CACNG2: variants seen among roughly 807,000 people sequenced by gnomAD.
CACNG2 encodes the protein calcium voltage-gated channel auxiliary subunit gamma 2, also known as voltage-dependent calcium channel gamma-2 subunit.
CACNG2 carries 3 observed loss-of-function variants against 25.9 expected under a neutral mutation model. The observed-to-expected ratio is 0.12, with a 90% confidence interval of 0.05 to 0.30. The LOEUF (loss-of-function observed/expected upper bound fraction) is 0.30, where lower values mean the gene tolerates loss of function less well. Ranked by LOEUF, CACNG2 falls within the 10% of genes least tolerant of loss-of-function variation. The pLI is 1.00. For synonymous variants in CACNG2, 167 were observed against 173.3 expected (o/e 0.96, Z 0.29); for missense variants, 341 against 432.5 (o/e 0.79, Z 1.88).
At chr22:36,681,637 T>C (rs1026955533) in intron 1 of CACNG2, among the ~76,000 whole-genome samples, 1 of 152,206 alleles carries the variant, frequency 6.6e-6, no homozygotes, top group East Asian at 1.9e-4. Context: ...TCAAAACTCA[T>C]CACACTGGTG....
At chr22:36,676,366 C>A (rs944464834) in intron 1 of CACNG2, among the ~76,000 whole-genome samples, 13 of 152,186 alleles carry the variant, frequency 8.5e-5, no homozygotes, top group African/African-American at 3.1e-4. Flanking sequence ...GTGGAACTTG[C>A]CACCTGGAAC....
chr22:36,675,666 G>A (rs558070212), intron 1 of CACNG2, among the ~76,000 whole-genome samples: 1 of 152,336 alleles, frequency 6.6e-6, no homozygotes, highest in Admixed American at 6.5e-5. Flanking sequence ...GCAGTGTCAG[G>A]GCACTGGAGG....
At chr22:36,655,018 ATTTG>A (rs1936682898) in intron 1 of CACNG2, among the ~76,000 whole-genome samples, 1 of 151,548 alleles carries the variant, frequency 6.6e-6, no homozygotes, top group African/African-American at 2.4e-5. Flanking sequence ...CGGAGCTGTG[ATTTG>A]GGAGGGGGGA....
intron 2 of CACNG2, among the ~76,000 whole-genome samples, chr22:36,571,271 G>A (rs1047907781): frequency 7.9e-5 from 12 of 151,552 alleles, no homozygotes; most frequent in African/African-American, 2.9e-4. Flanking sequence ...AACCTGGCCA[G>A]CATGGCGAAA....
chr22:36,667,415 T>C (rs1254045546), intron 1 of CACNG2, among the ~76,000 whole-genome samples: 1 of 152,170 alleles, frequency 6.6e-6, no homozygotes, highest in African/African-American at 2.4e-5. Flanking sequence ...ATACAGCTGT[T>C]CAGCCCACTG....
intron 1 of CACNG2, among the ~76,000 whole-genome samples, chr22:36,668,593 A>G (rs568714428): frequency 6.6e-6 from 1 of 152,150 alleles, no homozygotes; most frequent in South Asian, 2.1e-4. Context: ...GGCTCAAGCA[A>G]TCCTCTTGCC....
At chr22:36,569,996 C>T (rs1187126117) in intron 2 of CACNG2, among the ~76,000 whole-genome samples, 1 of 152,242 alleles carries the variant, frequency 6.6e-6, no homozygotes, top group African/African-American at 2.4e-5. Flanking sequence ...AGAAGAAAGG[C>T]TCTGGCCTTC....
chr22:36,659,842 C>G (rs991302661), intron 1 of CACNG2, among the ~76,000 whole-genome samples: 1 of 151,930 alleles, frequency 6.6e-6, no homozygotes, highest in Non-Finnish European at 1.5e-5. Flanking sequence ...GCCTGCCACC[C>G]CCGAGAGGAG....
At chr22:36,610,282 G>A (rs1569028661) in intron 1 of CACNG2, among the ~76,000 whole-genome samples, 1 of 148,540 alleles carries the variant, frequency 6.7e-6, no homozygotes, top group African/African-American at 2.5e-5. Context: ...GAGCGTGATT[G>A]GGCAGGAATC....
chr22:36,677,578 T>A (rs1416214846), intron 1 of CACNG2, among the ~76,000 whole-genome samples: 1 of 152,190 alleles, frequency 6.6e-6, no homozygotes, highest in Non-Finnish European at 1.5e-5. Flanking sequence ...TTTAACCCAT[T>A]GTGGCCTTAT....
chr22:36,657,420 G>A lies in CACNG2; in HGVS notation c.211+44946C>T, dbSNP rs369927685. ...ACAGTCCCAGCCCTGGAAAGCTCAT[G>A]CTACTCCCATGTCAGATAGAGGGGC... On this transcript the variant is annotated intron_variant, in intron 1 of 3. Transcript: ENST00000300105. 6.6e-5 allele frequency among the ~76,000 whole-genome samples: 10 copies of A among 152,292 alleles called. 1 individual carries two copies. Among genetic ancestry groups the A allele is most frequent in the South Asian group, 6.2e-4 (3 of 4,816 alleles).
At chr22:36,663,364 C>T (rs1440751199) in intron 1 of CACNG2, among the ~76,000 whole-genome samples, 1 of 152,144 alleles carries the variant, frequency 6.6e-6, no homozygotes, top group Non-Finnish European at 1.5e-5. Context: ...AAGGGCCACC[C>T]CTACCCTCTA....
intron 1 of CACNG2, among the ~76,000 whole-genome samples, chr22:36,626,881 C>T (rs760741184): frequency 2.6e-5 from 4 of 152,206 alleles, no homozygotes; most frequent in Non-Finnish European, 5.9e-5. Context: ...TATGGGGTGA[C>T]AGGCATTTAT....
chr22:36,664,738 T>G lies in CACNG2; in HGVS notation c.211+37628A>C, dbSNP rs1402950424. On this transcript the variant is annotated intron_variant, in intron 1 of 3. Coordinates refer to ENST00000300105, the MANE Select transcript of CACNG2 (RefSeq NM_006078.5). ...TCAAATAAGGCATCGTCTAATTCGATTATGCTTGCTAGACTGCAATGTAAT... is the reference window on the plus strand; with the variant it reads ...TCAAATAAGGCATCGTCTAATTCGAGTATGCTTGCTAGACTGCAATGTAAT... Among the ~76,000 whole-genome samples, 4 of 152,350 alleles carry G rather than the reference T, an allele frequency of 2.6e-5. No individual in the cohort carries two copies. In the East Asian group the frequency reaches 5.8e-4, roughly 22 times the overall value.
Position 36,581,648 on chromosome 22 carries a change from A to C in CACNG2, c.295+5817T>G, listed in dbSNP as rs115062719. Among the ~76,000 whole-genome samples, 1,216 of 152,146 alleles carry C rather than the reference A, an allele frequency of 8.0e-3. 17 individuals are homozygous for C. The highest frequency in any genetic ancestry group is 0.028 in the African/African-American group (1,170 of 41,494). On this transcript the variant is annotated intron_variant, in intron 2 of 3. Transcript: ENST00000300105. ...ACTCCTGCTCAGCCCCCTTTCCTGG[A>C]GTGTCCTCATCTCACTGGCCCCTAA...
chr22:36,679,422 G>A (rs535132777), intron 1 of CACNG2, among the ~76,000 whole-genome samples: 2 of 152,042 alleles, frequency 1.3e-5, no homozygotes, highest in Admixed American at 6.6e-5. Context: ...GCTCTCTGAG[G>A]GCTCTTCATT....
Position 36,702,537 on chromosome 22 carries a change from T to C in CACNG2, c.40A>G (p.Thr14Ala). ...FDRGVQMLLT[T>A]VGAFAAFSLM... ...CTGAAGGCAGCGAAAGCACCAACGG[T>C]GGTTAAAAGCATTTGAACACCTCGA... The change falls in exon 1 of 4, where the codon ACC becomes GCC. Residue 14 changes from threonine to alanine, a missense_variant. Around this residue, in one of 2 missense-constraint regions of CACNG2, gnomAD observed 169 missense variants for 254.4 expected, o/e 0.66. Transcript: ENST00000300105. 1 of 1,614,090 alleles carries C rather than the reference T, an allele frequency of 6.2e-7. No homozygotes were observed. The highest frequency in any genetic ancestry group is 8.5e-7 in the Non-Finnish European group (1 of 1,180,006).
intron 1 of CACNG2, among the ~76,000 whole-genome samples, chr22:36,617,421 A>G (rs1449612739): frequency 1.3e-5 from 2 of 151,940 alleles, no homozygotes; most frequent in Admixed American, 6.6e-5. Flanking sequence ...CAGAGGAGGG[A>G]ACTAAATGAG....
chr22:36,640,023 C>T (rs1331665270), intron 1 of CACNG2, among the ~76,000 whole-genome samples: 1 of 152,126 alleles, frequency 6.6e-6, no homozygotes, highest in Non-Finnish European at 1.5e-5. Flanking sequence ...TCTCCAAGTC[C>T]GAAATTCAGC....
Sources: gnomAD v4.1 joint callset for allele counts (sites outside exome capture counted in the v4.1 genomes callset) on GRCh38, gnomAD v4.1.1 for gene constraint, gnomAD v4.1.1 regional missense constraint, MANE v1.5 for transcripts, NCBI Gene and HGNC (gene_info 2026-07-23, HGNC 2026-07-21) for gene names.